The following OPRD1 variants were observed in gnomAD, a reference collection of about 807,000 sequenced individuals.
OPRD1 encodes opioid receptor delta 1.
OPRD1 carries 19 observed loss-of-function variants against 17.5 expected under a neutral mutation model. That is an observed-to-expected ratio of 1.09 (90% CI 0.76 to 1.60). OPRD1 has a LOEUF of 1.60. Among genes scored for constraint, OPRD1 ranks in the 40% most tolerant of loss-of-function variants. The pLI is 0.00. For missense variants in OPRD1, 483 were observed against 547.2 expected, an observed-to-expected ratio of 0.88 and a Z score of 1.17; for synonymous variants, 256 against 240.9, an observed-to-expected ratio of 1.06 and a Z score of -0.58.
chr1:28,862,527 T>A (rs1167472523), intron 2 of OPRD1, among the ~76,000 whole-genome samples: 2 of 152,330 alleles, frequency 1.3e-5, no homozygotes, highest in East Asian at 3.9e-4. Context: ...ACCTCCCTGA[T>A]GAGGGCCAAT....
intron 1 of OPRD1, among the ~76,000 whole-genome samples, chr1:28,847,753 C>A (rs1021763310): frequency 3.9e-5 from 6 of 151,988 alleles, no homozygotes; most frequent in Non-Finnish European, 8.8e-5. Flanking sequence ...ATCGCTTGAG[C>A]CCAGAAGGCC....
Position 28,859,249 on chromosome 1 carries a change from C to T in OPRD1, c.523C>T (p.Leu175=), listed in dbSNP as rs761418457. The change falls in exon 2 of 3, where the codon CTG becomes TTG. Residue 175 remains leucine (L), a synonymous_variant. Transcript: ENST00000234961. ...GCTGATCAACATCTGTATCTGGGTC[C>T]TGGCCTCAGGCGTTGGCGTGCCCAT... ...AKLINICIWV[L]ASGVGVPIMV... 4.0e-5 allele frequency: 65 copies of T among 1,614,132 alleles called. No homozygotes were observed. In the East Asian group the frequency reaches 1.4e-3, roughly 35 times the overall value.
chr1:28,846,738 C>T (rs976033030), intron 1 of OPRD1, among the ~76,000 whole-genome samples: 1 of 150,872 alleles, frequency 6.6e-6, no homozygotes, highest in African/African-American at 2.4e-5. Context: ...TCTCTGGGGC[C>T]TCTCTTGTAA....
intron 1 of OPRD1, among the ~76,000 whole-genome samples, chr1:28,823,781 G>A (rs1312843825): frequency 4.0e-5 from 6 of 150,420 alleles, no homozygotes; most frequent in East Asian, 2.1e-4. Context: ...CCACCCACCC[G>A]GCCTCCCAAA....
rs567225611 is a variant in OPRD1 at position 28,861,577 on chromosome 1, T to TG, written c.578-1162dup. On this transcript the variant is annotated intron_variant, in intron 2 of 2. Transcript: ENST00000234961. ...CTCCCACCTCAGCCCCCCAAGTAGC[T>TG]GGGACTGCAGATATGCACCACCATA... 3.9e-3 allele frequency among the ~76,000 whole-genome samples: 595 copies of TG among 152,290 alleles called. 8 individuals are homozygous for TG. The highest frequency in any genetic ancestry group is 0.024 in the Middle Eastern group (7 of 294).
intron 1 of OPRD1, among the ~76,000 whole-genome samples, chr1:28,821,175 T>C (rs2088709964): frequency 6.6e-6 from 1 of 152,106 alleles, no homozygotes; most frequent in South Asian, 2.1e-4. Flanking sequence ...CAATCTCGGC[T>C]CACTGCAACC....
rs1227159159 is a variant in OPRD1 at position 28,866,595 on chromosome 1, G to C, written c.*3312G>C. On this transcript the variant is annotated 3_prime_UTR_variant, in exon 3 of 3. Coordinates refer to ENST00000234961, the MANE Select transcript of OPRD1 (RefSeq NM_000911.4). ...CAGGCTACTTGCTCCTAAGTCACAG[G>C]GCCTGTTCGTAGTGGCAGAACTTGG... 6.6e-6 allele frequency: 1 copy of C among 152,134 alleles called. No individual in the cohort carries two copies. Among genetic ancestry groups the C allele is most frequent in the Non-Finnish European group, 1.5e-5 (1 of 68,028 alleles). 9.4% of individuals were successfully genotyped at this position (152,134 alleles called of 1,614,324 possible). A position where few individuals can be genotyped will look rare whatever the true frequency, so the allele number is the denominator to read the frequency against.
chr1:28,842,240 A>G (rs1406403482), intron 1 of OPRD1, among the ~76,000 whole-genome samples: 1 of 152,044 alleles, frequency 6.6e-6, no homozygotes, highest in African/African-American at 2.4e-5. Flanking sequence ...ATATTGCCCC[A>G]GCTGGTCTCC....
chr1:28,840,102 T>G (rs1023891835), intron 1 of OPRD1, among the ~76,000 whole-genome samples: 2 of 152,172 alleles, frequency 1.3e-5, no homozygotes, highest in South Asian at 4.1e-4. Flanking sequence ...ACACAGTTCC[T>G]GCCTGAGGGA....
chr1:28,858,444 G>A (rs374467933), intron 1 of OPRD1, among the ~76,000 whole-genome samples: 21 of 151,796 alleles, frequency 1.4e-4, no homozygotes, highest in African/African-American at 4.8e-4. Context: ...TTCTGCCAAA[G>A]TTATTCACAA....
rs183493167 is a variant in OPRD1, at chr1:28,823,491, G to A, written c.227+10881G>A. On this transcript the variant is annotated intron_variant, in intron 1 of 2. Transcript: ENST00000234961. The stretch of plus-strand genomic sequence containing the variant: ...GGCTCACTGCAACCTCCGCCTCCTG[G>A]GTTCAAGCAATTCCCCTGCCTCAGC... Among the ~76,000 whole-genome samples, 445 of 152,060 alleles carry A rather than the reference G, an allele frequency of 2.9e-3. 1 individual carries two copies. The highest frequency in any genetic ancestry group is 0.01 in the African/African-American group (431 of 41,480).
intron 1 of OPRD1, among the ~76,000 whole-genome samples, chr1:28,826,543 A>G (rs2088770137): frequency 6.6e-6 from 1 of 152,132 alleles, no homozygotes; most frequent in African/African-American, 2.4e-5. Context: ...AAAGTTGTTT[A>G]TACTGTAGTC....
chr1:28,871,218 C>G lies in OPRD1; in HGVS notation c.*7935C>G, dbSNP rs1432357385. On this transcript the variant is annotated 3_prime_UTR_variant, in exon 3 of 3. Transcript: ENST00000234961. ...CCAGGCTCCATCTTGGTACCAAGTA[C>G]TCAACCTTCTGTTTTCTCAATAAAG... 6.6e-6 allele frequency: 1 copy of G among 151,758 alleles called. No individual in the cohort carries two copies. The highest frequency in any genetic ancestry group is 1.5e-5 in the Non-Finnish European group (1 of 67,964). 9.4% of individuals were successfully genotyped at this position (151,758 alleles called of 1,614,324 possible).
intron 1 of OPRD1, among the ~76,000 whole-genome samples, chr1:28,849,245 AT>A (rs370469284): frequency 2.3e-3 from 340 of 149,152 alleles, no homozygotes; most frequent in African/African-American, 7.8e-3. Context: ...CTCTATTTTA[AT>A]TTTTTTTTTA....
intron 1 of OPRD1, among the ~76,000 whole-genome samples, chr1:28,854,281 C>T (rs1257075438): frequency 6.6e-6 from 1 of 151,910 alleles, no homozygotes; most frequent in Non-Finnish European, 1.5e-5. Flanking sequence ...GACTGGAGTG[C>T]AGTAGCATTA....
chr1:28,860,343 C>T (rs572053873), intron 2 of OPRD1, among the ~76,000 whole-genome samples: 11 of 146,888 alleles, frequency 7.5e-5, no homozygotes, highest in East Asian at 2.0e-4. Flanking sequence ...CCAGCTTGGG[C>T]GACAGAATGG....
intron 1 of OPRD1, among the ~76,000 whole-genome samples, chr1:28,850,620 AC>A (rs1422693164): frequency 6.6e-6 from 1 of 151,396 alleles, no homozygotes; most frequent in African/African-American, 2.4e-5. Context: ...ACTGTGCCCA[AC>A]CTAAAAAATT....
intron 1 of OPRD1, among the ~76,000 whole-genome samples, chr1:28,840,615 G>A (rs1309364678): frequency 6.6e-6 from 1 of 152,128 alleles, no homozygotes. Context: ...GCCCCATAGT[G>A]AGGATTAAAT....
chr1:28,861,913 C>CT (rs34765043), intron 2 of OPRD1, among the ~76,000 whole-genome samples: 703 of 52,930 alleles, frequency 0.013, 5 homozygotes, highest in Non-Finnish European at 0.025. Context: ...CTTTTCTTTT[C>CT]TTTTTTTTTT....
Sources: allele counts gnomAD v4.1 joint callset (sites outside exome capture counted in the v4.1 genomes callset), GRCh38; gene constraint gnomAD v4.1.1; transcripts MANE v1.5; gene names NCBI Gene and HGNC (gene_info 2026-07-23, HGNC 2026-07-21).